FAM135B: variants seen among roughly 807,000 people sequenced by gnomAD.
The protein encoded by FAM135B is family with sequence similarity 135 member B.
FAM135B carries 43 observed loss-of-function variants against 127.7 expected under a neutral mutation model. The observed-to-expected ratio is 0.34, with a 90% CI of 0.26 to 0.43. The LOEUF (loss-of-function observed/expected upper bound fraction) is 0.43, where lower values mean the gene tolerates loss of function less well. Among genes scored for constraint, FAM135B ranks in the 20% least tolerant of loss-of-function variants. FAM135B has a pLI of 1.00. For missense variants in FAM135B, 1,558 were observed against 1,725.6 expected (o/e 0.90, Z 1.72); for synonymous variants, 670 against 665.1 (o/e 1.01, Z -0.11).
chr8:138,426,081 A>AAAT (rs1554690942), intron 1 of FAM135B, among the ~76,000 whole-genome samples: 1 of 133,184 alleles, frequency 7.5e-6, no homozygotes, highest in African/African-American at 2.8e-5. Flanking sequence ...ACATATATAA[A>AAAT]ATGTTTTATG....
At chr8:138,176,014 T>C (rs910742193) in intron 11 of FAM135B, among the ~76,000 whole-genome samples, 1 of 152,160 alleles carries the variant, frequency 6.6e-6, no homozygotes, top group African/African-American at 2.4e-5. Flanking sequence ...TTACCCACTG[T>C]GTGGATAAGG....
intron 1 of FAM135B, among the ~76,000 whole-genome samples, chr8:138,476,670 C>G (rs1814470730): frequency 6.6e-6 from 1 of 152,148 alleles, no homozygotes; most frequent in South Asian, 2.1e-4. Flanking sequence ...GTATAACCCA[C>G]TTTCAGAAAC....
At chr8:138,163,301 A>C (rs1320317334) in intron 12 of FAM135B, among the ~76,000 whole-genome samples, 1 of 152,164 alleles carries the variant, frequency 6.6e-6, no homozygotes, top group Admixed American at 6.5e-5. Context: ...GCTTTAGGCG[A>C]ACCTCCCAAT....
intron 8 of FAM135B, among the ~76,000 whole-genome samples, chr8:138,195,561 C>T (rs1453786845): frequency 6.6e-6 from 1 of 152,008 alleles, no homozygotes; most frequent in African/African-American, 2.4e-5. Flanking sequence ...TTATGAGAAG[C>T]AGTACATCCC....
At chr8:138,324,854 G>C (rs981673245) in intron 2 of FAM135B, among the ~76,000 whole-genome samples, 1 of 152,180 alleles carries the variant, frequency 6.6e-6, no homozygotes, top group African/African-American at 2.4e-5. Context: ...TTAATTAAAA[G>C]TCCTGGTTTT....
At chr8:138,145,397 T>C (rs989088671) in intron 15 of FAM135B, among the ~76,000 whole-genome samples, 59 of 152,130 alleles carry the variant, frequency 3.9e-4, no homozygotes, top group African/African-American at 1.4e-3. Context: ...AGATCATATA[T>C]AGTATCCTCC....
At chr8:138,446,042 C>A (rs1453394714) in intron 1 of FAM135B, among the ~76,000 whole-genome samples, 1 of 152,152 alleles carries the variant, frequency 6.6e-6, no homozygotes, top group Non-Finnish European at 1.5e-5. Context: ...CATGAATGAA[C>A]TCCCATTCAC....
At chr8:138,337,932 G>C (rs146559185) in intron 2 of FAM135B, among the ~76,000 whole-genome samples, 135,725 of 151,974 alleles carry the variant, frequency 0.89, 61,862 homozygotes, top group Non-Finnish European at 0.98. Context: ...TGGAACAGAA[G>C]AGAGCCCTCA....
chr8:138,338,534 G>T (rs1828792019), intron 2 of FAM135B, among the ~76,000 whole-genome samples: 1 of 151,676 alleles, frequency 6.6e-6, no homozygotes, highest in African/African-American at 2.4e-5. Flanking sequence ...GGCCATCAGA[G>T]AAATGCAAAT....
chr8:138,371,300 A>G (rs950734625), intron 1 of FAM135B, among the ~76,000 whole-genome samples: 2 of 152,168 alleles, frequency 1.3e-5, no homozygotes, highest in Admixed American at 1.3e-4. Flanking sequence ...CTTATGACAT[A>G]TGCAAACAAT....
intron 6 of FAM135B, among the ~76,000 whole-genome samples, chr8:138,244,111 T>A (rs573299482): frequency 6.6e-5 from 10 of 152,322 alleles, no homozygotes; most frequent in Admixed American, 5.9e-4. Flanking sequence ...TTAATTCATT[T>A]ATTCAAATAT....
At chr8:138,352,100 G>T (rs547900978) in intron 2 of FAM135B, among the ~76,000 whole-genome samples, 1 of 152,268 alleles carries the variant, frequency 6.6e-6, no homozygotes, top group Admixed American at 6.5e-5. Flanking sequence ...GGGGCCACAT[G>T]AAGGCTGACT....
chr8:138,410,867 C>A (rs1426697063), intron 1 of FAM135B, among the ~76,000 whole-genome samples: 2 of 152,108 alleles, frequency 1.3e-5, no homozygotes, highest in East Asian at 1.9e-4. Flanking sequence ...AGAGCCAAAT[C>A]ATGAGTGAAC....
chr8:138,318,184 T>C (rs1389635504), intron 2 of FAM135B, among the ~76,000 whole-genome samples: 1 of 152,244 alleles, frequency 6.6e-6, no homozygotes, highest in African/African-American at 2.4e-5. Context: ...GGGCCAATAA[T>C]TGGCAAACCC....
chr8:138,174,136 A>T (rs1473341059), intron 11 of FAM135B, among the ~76,000 whole-genome samples: 1 of 151,956 alleles, frequency 6.6e-6, no homozygotes, highest in African/African-American at 2.4e-5. Flanking sequence ...CTCCTATCCT[A>T]TCCTATTTCA....
chr8:138,357,240 C>A (rs552658063), intron 2 of FAM135B, among the ~76,000 whole-genome samples: 92 of 152,150 alleles, frequency 6.0e-4, no homozygotes, highest in African/African-American at 2.1e-3. Flanking sequence ...ATAAAATGCT[C>A]TTAAATGCAT....
intron 3 of FAM135B, among the ~76,000 whole-genome samples, chr8:138,288,346 G>C (rs1225659278): frequency 2.0e-5 from 3 of 152,172 alleles, no homozygotes; most frequent in African/African-American, 4.8e-5. Flanking sequence ...AAATCTACCT[G>C]AGAAAAAGAG....
At chr8:138,443,513 G>T (rs1411682631) in intron 1 of FAM135B, among the ~76,000 whole-genome samples, 2 of 152,088 alleles carry the variant, frequency 1.3e-5, no homozygotes, top group African/African-American at 2.4e-5. Flanking sequence ...AACCTGAAAG[G>T]CAGAACTCAC....
chr8:138,171,378 C>T (rs776577879), intron 11 of FAM135B, among the ~76,000 whole-genome samples: 1 of 152,142 alleles, frequency 6.6e-6, no homozygotes, highest in Non-Finnish European at 1.5e-5. Context: ...CTCAGCTCAA[C>T]CAAAGGCAGT....
Sources: gnomAD v4.1 joint callset for allele counts (sites outside exome capture counted in the v4.1 genomes callset) on GRCh38, gnomAD v4.1.1 for gene constraint, MANE v1.5 for transcripts, NCBI Gene and HGNC (gene_info 2026-07-23, HGNC 2026-07-21) for gene names.